Variants in CPQ observed in about 807,000 individuals in gnomAD.
CPQ encodes carboxypeptidase Q.
In CPQ, 37 loss-of-function variants were observed where a neutral mutation model predicts 45.7. The ratio of observed to expected loss-of-function variants is 0.81; its 90% CI spans 0.62 to 1.07. CPQ has a LOEUF of 1.07. Ranked by LOEUF, CPQ falls within the 50% of genes least tolerant of loss-of-function variation. The pLI, the probability that CPQ is intolerant of heterozygous loss-of-function variation, is 0.00. For synonymous variants in CPQ, 186 were observed against 205.8 expected (o/e 0.90, Z 0.82); for missense variants, 537 against 572.9 (o/e 0.94, Z 0.64).
At chr8:97,045,399 CTTTGA>C (rs1810228962) in intron 6 of CPQ, among the ~76,000 whole-genome samples, 1 of 152,194 alleles carries the variant, frequency 6.6e-6, no homozygotes, top group African/African-American at 2.4e-5. Flanking sequence ...TCACCCCTTT[CTTTGA>C]CTAGGAAAGG....
intron 3 of CPQ, among the ~76,000 whole-genome samples, chr8:96,878,243 G>C (rs1812174666): frequency 6.6e-6 from 1 of 152,172 alleles, no homozygotes; most frequent in Admixed American, 6.5e-5. Flanking sequence ...TGGGACTACA[G>C]GCATGAGCCA....
intron 6 of CPQ, among the ~76,000 whole-genome samples, chr8:97,036,329 T>A (rs1361254532): frequency 1.4e-4 from 22 of 152,148 alleles, no homozygotes; most frequent in Admixed American, 1.4e-3. Context: ...GTCCAGAAAA[T>A]GCCTTTATGT....
rs966748235 is a variant in CPQ, at chr8:96,885,083, T to C, written c.849+5078T>C. On this transcript the variant is annotated intron_variant, in intron 4 of 7. Coordinates refer to ENST00000220763, the MANE Select transcript of CPQ (RefSeq NM_016134.4). ...ATATCATAGAATGGGTAATTTATAA[T>C]GAACAGAAATTAGATCAGAGTTCTG... Among the ~76,000 whole-genome samples, 6 of 152,172 alleles carry C rather than the reference T, an allele frequency of 3.9e-5. No homozygotes were observed. In the South Asian group the frequency reaches 1.0e-3, roughly 26 times the overall value.
At chr8:96,757,113 C>G (rs1017274947) in intron 1 of CPQ, among the ~76,000 whole-genome samples, 1 of 152,018 alleles carries the variant, frequency 6.6e-6, no homozygotes, top group African/African-American at 2.4e-5. Context: ...CTTTGGGAGG[C>G]TGAGGTGGTA....
At chr8:97,136,179 CA>C (rs146629263) in intron 7 of CPQ, among the ~76,000 whole-genome samples, 2 of 140,370 alleles carry the variant, frequency 1.4e-5, no homozygotes, top group African/African-American at 5.2e-5. Context: ...TGAGTGTTTA[CA>C]AAAAAAAAAG....
intron 7 of CPQ, among the ~76,000 whole-genome samples, chr8:97,094,756 A>AAT (rs35476502): frequency 0.09 from 13,583 of 151,014 alleles, 669 homozygotes; most frequent in South Asian, 0.11. Flanking sequence ...TCGCCATTAA[A>AAT]ATATATATAT....
intron 4 of CPQ, among the ~76,000 whole-genome samples, chr8:96,890,728 A>G (rs1432691585): frequency 6.6e-6 from 1 of 152,218 alleles, no homozygotes; most frequent in African/African-American, 2.4e-5. Flanking sequence ...CCAATTTAAT[A>G]GAATCATTGT....
At chr8:96,910,928 TA>T (rs1733455111) in intron 4 of CPQ, among the ~76,000 whole-genome samples, 1 of 152,080 alleles carries the variant, frequency 6.6e-6, no homozygotes, top group East Asian at 1.9e-4. Flanking sequence ...AGACTTTCCA[TA>T]TATGGGCTTC....
At chr8:96,784,197 G>A (rs1196221974) in intron 1 of CPQ, among the ~76,000 whole-genome samples, 1 of 152,130 alleles carries the variant, frequency 6.6e-6, no homozygotes, top group Non-Finnish European at 1.5e-5. Flanking sequence ...TATTTATTAT[G>A]TAGGTGGTGG....
At chr8:96,847,011 A>C (rs1811700974) in intron 3 of CPQ, among the ~76,000 whole-genome samples, 1 of 152,194 alleles carries the variant, frequency 6.6e-6, no homozygotes. Flanking sequence ...ATTCACGTTA[A>C]ATATATTTGG....
At chr8:96,942,331 AT>A (rs1243904633) in intron 4 of CPQ, among the ~76,000 whole-genome samples, 3 of 152,170 alleles carry the variant, frequency 2.0e-5, no homozygotes, top group African/African-American at 7.2e-5. Context: ...TTTGTATGTA[AT>A]GCCAGATGCA....
chr8:96,930,161 G>C (rs931324337), intron 4 of CPQ, among the ~76,000 whole-genome samples: 5 of 152,164 alleles, frequency 3.3e-5, no homozygotes, highest in African/African-American at 1.2e-4. Context: ...AGTTTCACAT[G>C]AGCCCAAGAT....
intron 7 of CPQ, among the ~76,000 whole-genome samples, chr8:97,123,177 T>TAAAATAAAATAAAATAA (rs1395817726): frequency 4.2e-5 from 1 of 23,732 alleles, no homozygotes; most frequent in African/African-American, 1.9e-4. Flanking sequence ...TAAAATAAAA[T>TAAAATAAAATAAAATAA]ATAAAATAAA....
At chr8:96,966,110 A>C in intron 5 of CPQ, 64 bp downstream of exon 5, 1 of 1,142,240 alleles carries the variant, frequency 8.8e-7, no homozygotes, top group East Asian at 2.4e-5. Flanking sequence ...AACTCAAAAC[A>C]CAAAATACTT....
intron 4 of CPQ, among the ~76,000 whole-genome samples, chr8:96,946,010 G>A (rs1382097704): frequency 6.6e-6 from 1 of 152,154 alleles, no homozygotes; most frequent in Non-Finnish European, 1.5e-5. Flanking sequence ...ATGCTGACCT[G>A]TTGATGATAC....
At chr8:96,897,469 T>A (rs1225002210) in intron 4 of CPQ, among the ~76,000 whole-genome samples, 4 of 152,158 alleles carry the variant, frequency 2.6e-5, no homozygotes, top group Admixed American at 6.6e-5. Flanking sequence ...AACTCTGGAA[T>A]GCTCCAAAAT....
chr8:96,683,695 C>A (rs1469086679), intron 1 of CPQ, among the ~76,000 whole-genome samples: 2 of 151,476 alleles, frequency 1.3e-5, no homozygotes, highest in Non-Finnish European at 2.9e-5. Context: ...CATATATTAT[C>A]TAGGCTTCCT....
At chr8:96,865,163 G>T (rs1586430900) in intron 3 of CPQ, among the ~76,000 whole-genome samples, 1 of 152,018 alleles carries the variant, frequency 6.6e-6, no homozygotes, top group East Asian at 1.9e-4. Flanking sequence ...TGGTGTGAAA[G>T]TTGGATTTGA....
chr8:96,953,417 T>C (rs1813301320), intron 4 of CPQ, among the ~76,000 whole-genome samples: 1 of 152,118 alleles, frequency 6.6e-6, no homozygotes, highest in Non-Finnish European at 1.5e-5. Flanking sequence ...CATATGCTCT[T>C]TCTCACTGGC....
Sources: allele counts gnomAD v4.1 joint callset (sites outside exome capture counted in the v4.1 genomes callset), GRCh38; gene constraint gnomAD v4.1.1; transcripts MANE v1.5; gene names NCBI Gene and HGNC (gene_info 2026-07-23, HGNC 2026-07-21).